Variants in NAV1 observed in about 807,000 individuals in gnomAD.
NAV1 encodes neuron navigator 1, also known as pore membrane and/or filament interacting like protein 3.
A neutral mutation model predicts 175.2 loss-of-function variants in NAV1; 18 were observed. The observed-to-expected ratio is 0.10, with a 90% CI of 0.07 to 0.15. The LOEUF is 0.15. Ranked by LOEUF, NAV1 falls within the 10% of genes least tolerant of loss-of-function variation. The pLI is 1.00. For synonymous variants in NAV1, 897 were observed against 978.7 expected, an observed-to-expected ratio of 0.92 and a Z score of 1.56; for missense variants, 1,731 against 2,436.6, an observed-to-expected ratio of 0.71 and a Z score of 6.10.
chr1:201,819,921 G>A (rs1159825564), exon 30 of NAV1: 2 of 1,614,074 alleles, frequency 1.2e-6, no homozygotes, highest in Admixed American at 3.3e-5. Context: ...CAACCTTCAG[G>A]CAACACTTTA....
intron 1 of NAV1, among the ~76,000 whole-genome samples, chr1:201,662,058 A>AC (rs1247984884): frequency 1.3e-5 from 2 of 152,018 alleles, no homozygotes; most frequent in Non-Finnish European, 2.9e-5. Flanking sequence ...TCTGGGTATG[A>AC]CCCCCAGGCA....
intron 2 of NAV1, among the ~76,000 whole-genome samples, chr1:201,607,459 C>A (rs1667717422): frequency 6.6e-6 from 1 of 151,712 alleles, no homozygotes; most frequent in Non-Finnish European, 1.5e-5. Flanking sequence ...TTACTATCTA[C>A]TAACAAGTAT....
chr1:201,632,334 C>T (rs1425086534), intron 2 of NAV1, among the ~76,000 whole-genome samples: 4 of 152,252 alleles, frequency 2.6e-5, no homozygotes, highest in Non-Finnish European at 4.4e-5. Context: ...GCTCCTTCTG[C>T]CTCTGCCCTG....
chr1:201,773,407 A>G (rs1418893667), intron 3 of NAV1, among the ~76,000 whole-genome samples: 1 of 152,212 alleles, frequency 6.6e-6, no homozygotes, highest in African/African-American at 2.4e-5. Flanking sequence ...AGGTTTTGCT[A>G]AGTGCCACAC....
exon 30 of NAV1, chr1:201,821,552 A>ACACACACACACAC (rs1679382068): frequency 1.4e-5 from 2 of 142,832 alleles, no homozygotes; most frequent in East Asian, 2.0e-4. Flanking sequence ...ACACACACAC[A>ACACACACACACAC]AGACCTGGGC....
At chr1:201,664,775 A>G (rs888907515) in intron 1 of NAV1, among the ~76,000 whole-genome samples, 1 of 151,876 alleles carries the variant, frequency 6.6e-6, no homozygotes, top group African/African-American at 2.4e-5. Context: ...TGAGTCCTCT[A>G]TTTTCCTGGA....
intron 4 of NAV1, among the ~76,000 whole-genome samples, chr1:201,780,771 A>G (rs776511566): frequency 3.3e-5 from 5 of 151,118 alleles, no homozygotes; most frequent in Admixed American, 6.6e-5. Context: ...TATTGTGTAT[A>G]CTTAGTGCCT....
At chr1:201,762,995 A>T (rs1001410973) in intron 3 of NAV1, among the ~76,000 whole-genome samples, 26 of 152,200 alleles carry the variant, frequency 1.7e-4, no homozygotes, top group African/African-American at 5.3e-4. Flanking sequence ...GAAAAAAAAA[A>T]TGTTGGTTCT....
At chr1:201,563,097 G>C (rs1666250300) in intron 1 of NAV1, among the ~76,000 whole-genome samples, 1 of 152,202 alleles carries the variant, frequency 6.6e-6, no homozygotes, top group African/African-American at 2.4e-5. Context: ...AGTCCTAAGA[G>C]AGGATGTGTG....
chr1:201,582,419 A>T (rs932928198), intron 1 of NAV1, among the ~76,000 whole-genome samples: 26 of 152,136 alleles, frequency 1.7e-4, no homozygotes, highest in Admixed American at 3.9e-4. Context: ...CTCCAAAGGG[A>T]CTTGGATATT....
At chr1:201,613,735 G>A (rs1240816551) in intron 2 of NAV1, among the ~76,000 whole-genome samples, 1 of 152,088 alleles carries the variant, frequency 6.6e-6, no homozygotes, top group Non-Finnish European at 1.5e-5. Context: ...GGTGGCACAC[G>A]CCTGTAATCC....
At chr1:201,809,711 G>A (rs948863319) in intron 22 of NAV1, among the ~76,000 whole-genome samples, 174 bp downstream of exon 26, 1 of 152,156 alleles carries the variant, frequency 6.6e-6, no homozygotes, top group Non-Finnish European at 1.5e-5. Context: ...AGCCTCCTGA[G>A]TAGCTGGGAT....
At chr1:201,790,796 G>A in intron 13 of NAV1, 30 bp downstream of exon 17, 1 of 1,612,140 alleles carries the variant, frequency 6.2e-7, no homozygotes, top group East Asian at 2.2e-5. Context: ...GAAAGATCAA[G>A]GCAGTTATTT....
At chr1:201,723,984 T>G (rs1672498525) in intron 3 of NAV1, 1 of 152,232 alleles carries the variant, frequency 6.6e-6, no homozygotes, top group South Asian at 2.1e-4. Context: ...CTTATTTCAG[T>G]ACTTTTTTCA....
chr1:201,751,530 G>A (rs1674106944), intron 3 of NAV1, among the ~76,000 whole-genome samples: 1 of 152,198 alleles, frequency 6.6e-6, no homozygotes, highest in Admixed American at 6.5e-5. Flanking sequence ...CATCAGTAAG[G>A]ATTTGCTACA....
chr1:201,606,150 G>A (rs563435143), intron 2 of NAV1, among the ~76,000 whole-genome samples: 2 of 152,148 alleles, frequency 1.3e-5, no homozygotes, highest in Non-Finnish European at 2.9e-5. Context: ...AGAAAGGGGA[G>A]GCACTGAGAA....
rs2077133 is a variant in NAV1 at position 201,631,296 on chromosome 1, C to T, written c.4+1789C>T. On this transcript the variant is annotated intron_variant, in intron 2 of 29. Transcript: ENST00000367302. ...CGGATTTGCCTGCCTTGTGGAAGAG[C>T]CTGCGCTCTTCTGAGCTTGAAGAAA... Among the ~76,000 whole-genome samples the T allele has an allele frequency of 8.6e-4, 131 of 152,272 alleles. 1 individual carries two copies. Among genetic ancestry groups the T allele is most frequent in the African/African-American group, 3.1e-3 (128 of 41,558 alleles).
intron 1 of NAV1, among the ~76,000 whole-genome samples, chr1:201,628,947 T>C (rs1258136995): frequency 6.6e-6 from 1 of 152,166 alleles, no homozygotes; most frequent in East Asian, 1.9e-4. Context: ...CCAAAGCCTG[T>C]GTGCCCCCTG....
chr1:201,720,055 G>T (rs1015036784), intron 3 of NAV1, among the ~76,000 whole-genome samples: 1 of 152,200 alleles, frequency 6.6e-6, no homozygotes, highest in Non-Finnish European at 1.5e-5. Flanking sequence ...GCCCAACCTC[G>T]CGCTCACGCT....
Sources: gnomAD v4.1 joint callset for allele counts (sites outside exome capture counted in the v4.1 genomes callset) on GRCh38, gnomAD v4.1.1 for gene constraint, MANE v1.5 for transcripts, NCBI Gene and HGNC (gene_info 2026-07-23, HGNC 2026-07-21) for gene names.